Variants in STRN observed in about 807,000 individuals in gnomAD.
STRN encodes striatin.
STRN carries 53 observed loss-of-function variants against 96.3 expected under a neutral mutation model. That is an observed-to-expected ratio of 0.55 (90% CI 0.44 to 0.69). The LOEUF (loss-of-function observed/expected upper bound fraction) is 0.69. STRN is among the 30% of genes least tolerant of loss of function. STRN has a pLI of 0.00. For missense variants in STRN, 987 were observed against 963.9 expected, an observed-to-expected ratio of 1.02 and a Z score of -0.32; for synonymous variants, 428 against 355.9, an observed-to-expected ratio of 1.20 and a Z score of -2.28.
Position 36,845,567 on chromosome 2 carries a change from T to C in STRN, c.*3889A>G, listed in dbSNP as rs879508184. 23 of 152,146 alleles carry C rather than the reference T, an allele frequency of 1.5e-4. No individual in the cohort carries two copies. Among genetic ancestry groups the C allele is most frequent in the Non-Finnish European group, 1.0e-4 (7 of 68,008 alleles). The allele number at this position is 152,146 out of a possible 1,614,324, so 9.4% of individuals were successfully genotyped here. On this transcript the variant is annotated 3_prime_UTR_variant, in exon 18 of 18. Coordinates refer to ENST00000263918, the MANE Select transcript of STRN (RefSeq NM_003162.4). ...CACATAAGAACTTCATGACATGCTG[T>C]TTTGTAAGAGGGAAATATATGAAGT...
chr2:36,924,609 T>G (rs1486513027), intron 2 of STRN, among the ~76,000 whole-genome samples: 3 of 152,164 alleles, frequency 2.0e-5, no homozygotes, highest in Admixed American at 6.6e-5. Flanking sequence ...ATCACATAAA[T>G]CAGTTTTTTG....
chr2:36,960,902 A>T (rs1463091267), intron 1 of STRN, among the ~76,000 whole-genome samples: 1 of 151,560 alleles, frequency 6.6e-6, no homozygotes, highest in Non-Finnish European at 1.5e-5. Flanking sequence ...TGTTTGTTTG[A>T]TTGATTTGTT....
chr2:36,859,629 G>A (rs1446836110), intron 13 of STRN, among the ~76,000 whole-genome samples: 1 of 152,226 alleles, frequency 6.6e-6, no homozygotes, highest in Non-Finnish European at 1.5e-5. Flanking sequence ...TGTAGATTCA[G>A]TCTCTCAAGG....
At chr2:36,855,591 T>C (rs1379922541) in intron 14 of STRN, among the ~76,000 whole-genome samples, 2 of 152,194 alleles carry the variant, frequency 1.3e-5, no homozygotes, top group African/African-American at 2.4e-5. Flanking sequence ...AACTGATATA[T>C]TCATGGAATG....
At position 36,847,290 on chromosome 2, in the gene STRN, A is replaced by G. The variant is rs1572617392; in HGVS notation, c.*2166T>C. 1.3e-5 allele frequency: 2 copies of G among 152,194 alleles called. No homozygotes were observed. The highest frequency in any genetic ancestry group is 2.4e-5 in the African/African-American group (1 of 41,452). 9.4% of individuals were successfully genotyped at this position (152,194 alleles called of 1,614,324 possible). ...TTTTTAGAATTTCAGTGACATTAAT[A>G]AAGCAGTAACTGAAGATCTTAGAAG... On this transcript the variant is annotated 3_prime_UTR_variant, in exon 18 of 18. Transcript: ENST00000263918.
chr2:36,865,016 C>G (rs767138722), intron 12 of STRN, among the ~76,000 whole-genome samples: 14 of 152,134 alleles, frequency 9.2e-5, no homozygotes, highest in Admixed American at 3.3e-4. Flanking sequence ...CACCCGGCCC[C>G]TCCTCCTCAA....
chr2:36,929,045 A>G (rs558366005), intron 1 of STRN, among the ~76,000 whole-genome samples: 22 of 152,170 alleles, frequency 1.4e-4, no homozygotes, highest in Non-Finnish European at 2.6e-4. Context: ...ATAACAGCAT[A>G]TACTTCTGGA....
intron 12 of STRN, among the ~76,000 whole-genome samples, chr2:36,861,673 G>C (rs1421163696): frequency 6.6e-6 from 1 of 151,608 alleles, no homozygotes; most frequent in Non-Finnish European, 1.5e-5. Context: ...TAAATCAAGA[G>C]AAAAGGCACA....
chr2:36,910,656 A>T (rs1046545647), intron 3 of STRN, among the ~76,000 whole-genome samples: 1 of 152,232 alleles, frequency 6.6e-6, no homozygotes, highest in African/African-American at 2.4e-5. Context: ...ATTCAAAAGA[A>T]GCCTGAAAAA....
In STRN at chr2:36,883,695, A is replaced by G. The variant is rs142084021; in HGVS notation, c.1186+237T>C. 2.3e-3 allele frequency among the ~76,000 whole-genome samples: 350 copies of G among 152,314 alleles called. 5 individuals are homozygous for G. Among genetic ancestry groups the G allele is most frequent in the African/African-American group, 7.9e-3 (330 of 41,566 alleles). ...CCATGGGCATCAGTGGAGCCAGCGG[A>G]TATTTTAAACCAGAATTTAGAGTTG... On this transcript the variant is annotated intron_variant, in intron 9 of 17. Transcript: ENST00000263918.
chr2:36,867,640 C>T (rs1409550928), intron 12 of STRN, 174 bp downstream of exon 12: 2 of 405,684 alleles, frequency 4.9e-6, no homozygotes, highest in Non-Finnish European at 8.7e-6. Context: ...GCACAAATCC[C>T]TACTTGGCAA....
chr2:36,937,244 TG>T (rs1670724384), intron 1 of STRN, among the ~76,000 whole-genome samples: 3 of 149,280 alleles, frequency 2.0e-5, no homozygotes, highest in African/African-American at 7.5e-5. Context: ...CTTGGGAAGC[TG>T]AGGCAGGAGA....
chr2:36,858,800 A>G (rs1668411445), intron 13 of STRN, among the ~76,000 whole-genome samples: 1 of 152,200 alleles, frequency 6.6e-6, no homozygotes, highest in African/African-American at 2.4e-5. Flanking sequence ...CACTATGCTC[A>G]ATGATGGAGC....
chr2:36,918,392 G>A (rs1338295395), intron 2 of STRN, among the ~76,000 whole-genome samples: 1 of 151,962 alleles, frequency 6.6e-6, no homozygotes, highest in Non-Finnish European at 1.5e-5. Context: ...TAACTAGTCT[G>A]AAGACAGATT....
chr2:36,948,554 G>C (rs1366391835), intron 1 of STRN, among the ~76,000 whole-genome samples: 1 of 152,170 alleles, frequency 6.6e-6, no homozygotes, highest in Non-Finnish European at 1.5e-5. Context: ...GATAGGTGTT[G>C]GAGATATTTG....
chr2:36,955,961 T>C (rs1302516159), intron 1 of STRN, among the ~76,000 whole-genome samples: 5 of 152,238 alleles, frequency 3.3e-5, no homozygotes, highest in African/African-American at 9.6e-5. Flanking sequence ...ATAAACTCTG[T>C]TGAAAAAGCA....
chr2:36,944,610 G>GT (rs1478671192), intron 1 of STRN, among the ~76,000 whole-genome samples: 1 of 152,086 alleles, frequency 6.6e-6, no homozygotes, highest in Non-Finnish European at 1.5e-5. Context: ...TGTTAAAACT[G>GT]TAACACTAAC....
chr2:36,863,155 T>C (rs568061274), intron 12 of STRN, among the ~76,000 whole-genome samples: 6 of 152,212 alleles, frequency 3.9e-5, no homozygotes, highest in Non-Finnish European at 8.8e-5. Context: ...TTCTAATGTG[T>C]GCAGAAGCTC....
At position 36,965,082 on chromosome 2, in the gene STRN, CAT is replaced by C. The variant is rs1367202315; in HGVS notation, c.234+1146_234+1147del. Among the ~76,000 whole-genome samples, 5 of 152,090 alleles carry C rather than the reference CAT, an allele frequency of 3.3e-5. 1 individual carries two copies. Among genetic ancestry groups the C allele is most frequent in the East Asian group, 1.9e-4 (1 of 5,202 alleles). ...CACTACACCAGAGCCTGTTCCAGCA[CAT>C]GATTCTATTTAACAGATTTCTCCTC... is the stretch of plus-strand genomic sequence containing the variant. On this transcript the variant is annotated intron_variant, in intron 1 of 17. Transcript: ENST00000263918.
Sources: gnomAD v4.1 joint callset for allele counts (sites outside exome capture counted in the v4.1 genomes callset) on GRCh38, gnomAD v4.1.1 for gene constraint, MANE v1.5 for transcripts, NCBI Gene and HGNC (gene_info 2026-07-23, HGNC 2026-07-21) for gene names.